The following MEGF6 variants were observed in gnomAD, a reference collection of about 807,000 sequenced individuals.
The protein encoded by MEGF6 is multiple epidermal growth factor-like domains protein 6.
In MEGF6, 184 loss-of-function variants were observed where a neutral mutation model predicts 207.1. The ratio of observed to expected loss-of-function variants is 0.89; its 90% confidence interval spans 0.79 to 1.00. The LOEUF is 1.00. MEGF6 is among the 50% of genes least tolerant of loss of function. The probability of loss-of-function intolerance (pLI) is 0.00; values close to 1 mark genes in which losing one functional copy is unlikely to be tolerated. For missense variants in MEGF6, 2,282 were observed against 2,202.9 expected (o/e 1.04, Z -0.72); for synonymous variants, 1,038 against 910.0 (o/e 1.14, Z -2.53).
intron 4 of MEGF6, chr1:3,531,306 C>T: frequency 8.0e-7 from 1 of 1,246,246 alleles, no homozygotes; most frequent in Non-Finnish European, 1.0e-6. Context: ...CCTAAGCCGG[C>T]GGCCGGGCGA....
chr1:3,572,687 T>TCCTTCCAGGTGTGCTGGGG (rs1643539131), intron 4 of MEGF6, among the ~76,000 whole-genome samples: 1 of 135,784 alleles, frequency 7.4e-6, no homozygotes, highest in African/African-American at 2.9e-5. Context: ...GTGTGCTGGG[T>TCCTTCCAGGTGTGCTGGGG]CCTTCCTGAG....
At chr1:3,549,980 A>G (rs2101582262) in intron 4 of MEGF6, among the ~76,000 whole-genome samples, 1 of 152,258 alleles carries the variant, frequency 6.6e-6, no homozygotes, top group African/African-American at 2.4e-5. Flanking sequence ...CGCCAGCCCC[A>G]ACCCAGGGGT....
At chr1:3,609,486 C>T (rs1055193711) in intron 1 of MEGF6, among the ~76,000 whole-genome samples, 4 of 152,232 alleles carry the variant, frequency 2.6e-5, no homozygotes, top group African/African-American at 7.2e-5. Context: ...CAGAGGCCTC[C>T]AGTGGATACG....
At chr1:3,491,031 G>GT (rs1640336980) in intron 35 of MEGF6, 72 bp from the exon 36 acceptor site, 2 of 1,420,928 alleles carry the variant, frequency 1.4e-6, no homozygotes, top group Non-Finnish European at 9.4e-7. Context: ...GCAGCAAGGC[G>GT]TGACCCCATC....
intron 4 of MEGF6, chr1:3,531,594 G>A: frequency 9.8e-6 from 7 of 717,482 alleles, no homozygotes; most frequent in Non-Finnish European, 1.2e-5. Context: ...CGCGCTCCCG[G>A]ACCCGGACGC....
chr1:3,624,652 G>A, the MEGF6 span: 1 of 152,754 alleles, frequency 6.5e-6, no homozygotes, highest in African/African-American at 2.4e-5. Flanking sequence ...GAAGGCCGAA[G>A]GGGGCATCCC....
At chr1:3,590,128 G>A (rs1230438641) in intron 3 of MEGF6, among the ~76,000 whole-genome samples, 3 of 152,224 alleles carry the variant, frequency 2.0e-5, no homozygotes. Context: ...GGTACAGGGG[G>A]CTGCAGGCAG....
At chr1:3,592,960 C>T (rs1213661412) in intron 3 of MEGF6, among the ~76,000 whole-genome samples, 4 of 152,144 alleles carry the variant, frequency 2.6e-5, no homozygotes, top group African/African-American at 7.2e-5. Flanking sequence ...CAGCCTCAGC[C>T]CAGCCCGGGC....
intron 7 of MEGF6, 110 bp downstream of exon 7, chr1:3,514,440 G>T (rs1641463541): frequency 7.3e-7 from 1 of 1,378,328 alleles, no homozygotes; most frequent in African/African-American, 1.4e-5. Context: ...AGGCCAAAGG[G>T]CCTGGTCTCA....
At chr1:3,509,846 C>A in intron 11 of MEGF6, 24 bp downstream of exon 11, 1 of 1,534,328 alleles carries the variant, frequency 6.5e-7, no homozygotes. Context: ...GAGGCCGGTG[C>A]TCCGCGGAGG....
chr1:3,506,494 G>A (rs1197952769), intron 14 of MEGF6, among the ~76,000 whole-genome samples: 1 of 152,170 alleles, frequency 6.6e-6, no homozygotes, highest in Non-Finnish European at 1.5e-5. Context: ...GATGCACAAA[G>A]CTCACGCCCC....
chr1:3,535,492 A>G (rs576753317), intron 4 of MEGF6, among the ~76,000 whole-genome samples: 1 of 152,000 alleles, frequency 6.6e-6, no homozygotes, highest in African/African-American at 2.4e-5. Context: ...TCCTCCACAC[A>G]GACCACCCTG....
intron 4 of MEGF6, among the ~76,000 whole-genome samples, chr1:3,535,745 A>G (rs906225586): frequency 6.6e-6 from 1 of 152,168 alleles, no homozygotes; most frequent in African/African-American, 2.4e-5. Flanking sequence ...CAGTTTCCAG[A>G]GGAGAAATGA....
At chr1:3,536,210 G>A (rs952851029) in intron 4 of MEGF6, among the ~76,000 whole-genome samples, 7 of 152,052 alleles carry the variant, frequency 4.6e-5, no homozygotes, top group African/African-American at 7.2e-5. Flanking sequence ...CCAGCTGGCC[G>A]GCCCACCCTA....
At chr1:3,620,930 G>A in the MEGF6 span, among the ~76,000 whole-genome samples, 1 of 152,332 alleles carries the variant, frequency 6.6e-6, no homozygotes. Flanking sequence ...GCCCTTCCCC[G>A]TTTGGCAGCT....
intron 4 of MEGF6, among the ~76,000 whole-genome samples, chr1:3,539,118 G>T (rs1224307115): frequency 6.6e-6 from 1 of 152,194 alleles, no homozygotes; most frequent in African/African-American, 2.4e-5. Flanking sequence ...TCAGGGAAAG[G>T]CCTGGGCCGA....
rs1557780687 is a variant in MEGF6, at chr1:3,565,961, G to GCCA, written c.481+13863_481+13864insTGG. ...AGGGTCAGCTGCTATAGGACCCGCC[G>GCCA]TGGACCACTGCCCTGCAGGTTCATA... On this transcript the variant is annotated intron_variant, in intron 4 of 36. Coordinates refer to ENST00000356575, the MANE Select transcript of MEGF6 (RefSeq NM_001409.4). This position sits in a 1 kb window ranked among gnomAD's most constrained non-coding sequence, Gnocchi z 4.8. 1.3e-5 allele frequency among the ~76,000 whole-genome samples: 2 copies of GCCA among 152,254 alleles called. No homozygotes were observed. The highest frequency in any genetic ancestry group is 4.8e-5 in the African/African-American group (2 of 41,542).
At chr1:3,597,222 G>A (rs185236713) in intron 2 of MEGF6, among the ~76,000 whole-genome samples, 1 of 152,152 alleles carries the variant, frequency 6.6e-6, no homozygotes, top group Non-Finnish European at 1.5e-5. Flanking sequence ...TGGAAGGTTC[G>A]CTGCCTCTCG....
intron 4 of MEGF6, among the ~76,000 whole-genome samples, chr1:3,550,207 C>A (rs950742831): frequency 3.3e-5 from 5 of 152,206 alleles, no homozygotes; most frequent in African/African-American, 1.2e-4. Context: ...GAAACAGGGA[C>A]TCAAACCACG....
Sources: gnomAD v4.1 joint callset for allele counts (sites outside exome capture counted in the v4.1 genomes callset) on GRCh38, gnomAD v4.1.1 for gene constraint, Gnocchi (gnomAD v3.1) non-coding constraint, MANE v1.5 for transcripts, NCBI Gene and HGNC (gene_info 2026-07-23, HGNC 2026-07-21) for gene names.